MZT1: variants seen among roughly 807,000 people sequenced by gnomAD.
MZT1 encodes mitotic-spindle organizing protein 1.
MZT1 carries 8 observed loss-of-function variants against 8.5 expected under a neutral mutation model. That is an observed-to-expected ratio of 0.94 (90% confidence interval 0.55 to 1.70). The LOEUF (loss-of-function observed/expected upper bound fraction) is 1.70. MZT1 is among the 40% of genes most tolerant of loss of function. MZT1 has a pLI of 0.00. For synonymous variants in MZT1, 38 were observed against 42.0 expected (o/e 0.90, Z 0.37); for missense variants, 93 against 108.6 (o/e 0.86, Z 0.64).
chr13:72,717,333 CTTTCTTTT>C (rs2138011129), intron 2 of MZT1, among the ~76,000 whole-genome samples: 1 of 121,598 alleles, frequency 8.2e-6, no homozygotes, highest in South Asian at 2.6e-4. Flanking sequence ...CAATCTGTCA[CTTTCTTTT>C]TTTTTTTTTT....
At chr13:72,726,957 G>A (rs978270622) in intron 1 of MZT1, among the ~76,000 whole-genome samples, 2 of 152,216 alleles carry the variant, frequency 1.3e-5, no homozygotes, top group Middle Eastern at 3.2e-3. Flanking sequence ...TTGGGCACTG[G>A]TGTCACCCGC....
intron 2 of MZT1, among the ~76,000 whole-genome samples, chr13:72,715,937 G>C (rs558088623): frequency 3.2e-4 from 48 of 151,704 alleles, no homozygotes; most frequent in Non-Finnish European, 7.1e-4. Flanking sequence ...TTTTTTTTAA[G>C]AGGAAGTCTT....
intron 2 of MZT1, among the ~76,000 whole-genome samples, chr13:72,711,172 A>G (rs2138005211): frequency 6.6e-6 from 1 of 152,306 alleles, no homozygotes; most frequent in East Asian, 1.9e-4. Flanking sequence ...AGATACAGGA[A>G]AGTAGGTTTT....
chr13:72,723,841 T>C (rs957462401), intron 1 of MZT1, among the ~76,000 whole-genome samples: 15 of 33,470 alleles, frequency 4.5e-4, no homozygotes, highest in African/African-American at 5.9e-4. Context: ...TGATTCCAGA[T>C]ATAAGTAAAA....
intron 1 of MZT1, among the ~76,000 whole-genome samples, chr13:72,723,214 T>G (rs1157714032): frequency 6.6e-6 from 1 of 152,250 alleles, no homozygotes; most frequent in East Asian, 1.9e-4. Flanking sequence ...TCCCTTCATA[T>G]AACTCAATGC....
chr13:72,712,295 GT>G (rs2138006250), intron 2 of MZT1, among the ~76,000 whole-genome samples: 1 of 152,244 alleles, frequency 6.6e-6, no homozygotes. Context: ...AGAACTACAG[GT>G]GTGTACCACC....
chr13:72,724,877 C>A (rs2032630981), intron 1 of MZT1, among the ~76,000 whole-genome samples: 1 of 147,122 alleles, frequency 6.8e-6, no homozygotes, highest in Admixed American at 6.8e-5. Context: ...CATGGTGAAA[C>A]CCTGTCTCTA....
intron 2 of MZT1, 65 bp from the exon 3 acceptor site, chr13:72,710,410 T>C (rs1300068512): frequency 2.7e-6 from 4 of 1,495,306 alleles, no homozygotes; most frequent in Non-Finnish European, 3.7e-6. Flanking sequence ...TGAAGATAAA[T>C]TTGTCAATAC....
At chr13:72,720,268 CTTT>C (rs902950111) in intron 1 of MZT1, among the ~76,000 whole-genome samples, 11 of 152,262 alleles carry the variant, frequency 7.2e-5, no homozygotes, top group African/African-American at 2.4e-4. Context: ...ACATGTCTAT[CTTT>C]TGTAAGGGCA....
At chr13:72,721,807 A>C (rs1348190646) in intron 1 of MZT1, among the ~76,000 whole-genome samples, 1 of 152,200 alleles carries the variant, frequency 6.6e-6, no homozygotes, top group Non-Finnish European at 1.5e-5. Context: ...TTTCAAGTAG[A>C]AGCATAAATC....
Position 72,708,812 on chromosome 13 carries a change from G to A in MZT1, c.*1510C>T, listed in dbSNP as rs567652698. 18 of 121,156 alleles carry A rather than the reference G, an allele frequency of 1.5e-4. No individual in the cohort carries two copies. The highest frequency in any genetic ancestry group is 4.7e-4 in the African/African-American group (17 of 36,262). The allele number at this position is 121,156 out of a possible 1,614,324, so 7.5% of individuals were successfully genotyped here. Reference sequence around the variant, plus strand: ...GCCAGGCATTTAAAAAGTCAAAATGGTCAAAATTCTATATTAAAAAAAAAA... The same window carrying A: ...GCCAGGCATTTAAAAAGTCAAAATGATCAAAATTCTATATTAAAAAAAAAA... On this transcript the variant is annotated 3_prime_UTR_variant, in exon 3 of 3. Coordinates refer to ENST00000377818, the MANE Select transcript of MZT1 (RefSeq NM_001071775.3).
chr13:72,717,530 A>T (rs1013373006), intron 2 of MZT1, among the ~76,000 whole-genome samples: 2 of 151,718 alleles, frequency 1.3e-5, no homozygotes, highest in African/African-American at 4.8e-5. Flanking sequence ...GTAGAGATGG[A>T]GTTTCATTAT....
At chr13:72,722,015 T>C (rs1486631084) in intron 1 of MZT1, among the ~76,000 whole-genome samples, 1 of 152,252 alleles carries the variant, frequency 6.6e-6, no homozygotes, top group East Asian at 1.9e-4. Context: ...CCATAAACAC[T>C]TGTTTTATAA....
At chr13:72,720,789 G>A (rs1306967020) in intron 1 of MZT1, among the ~76,000 whole-genome samples, 1 of 152,224 alleles carries the variant, frequency 6.6e-6, no homozygotes, top group Admixed American at 6.5e-5. Context: ...TTGGAAGACT[G>A]AGGCAGGAGA....
chr13:72,712,980 A>G (rs966003480), intron 2 of MZT1, among the ~76,000 whole-genome samples: 17 of 152,224 alleles, frequency 1.1e-4, no homozygotes, highest in African/African-American at 3.9e-4. Flanking sequence ...ATTTTTATTA[A>G]AAGTTATTAG....
intron 1 of MZT1, among the ~76,000 whole-genome samples, chr13:72,722,576 AC>A (rs1305934275): frequency 1.3e-5 from 2 of 152,134 alleles, no homozygotes; most frequent in Non-Finnish European, 2.9e-5. Flanking sequence ...AGGAAGCCGT[AC>A]CCTAGCTTTA....
At chr13:72,726,811 G>C (rs1049008177) in intron 1 of MZT1, among the ~76,000 whole-genome samples, 1 of 151,340 alleles carries the variant, frequency 6.6e-6, no homozygotes, top group Admixed American at 6.6e-5. Flanking sequence ...CTCACCACAG[G>C]GGCATAAAGT....
chr13:72,715,918 T>C (rs539792749), intron 2 of MZT1, among the ~76,000 whole-genome samples: 1 of 151,990 alleles, frequency 6.6e-6, no homozygotes, highest in Non-Finnish European at 1.5e-5. Flanking sequence ...CCGGTTTTTT[T>C]GTTTTTGTTT....
chr13:72,720,289 A>C (rs2032579559), intron 1 of MZT1, among the ~76,000 whole-genome samples: 1 of 152,212 alleles, frequency 6.6e-6, no homozygotes, highest in African/African-American at 2.4e-5. Context: ...GCAACCATTT[A>C]ATTTCTAACT....
Sources: allele counts gnomAD v4.1 joint callset (sites outside exome capture counted in the v4.1 genomes callset), GRCh38; gene constraint gnomAD v4.1.1; transcripts MANE v1.5; gene names NCBI Gene and HGNC (gene_info 2026-07-23, HGNC 2026-07-21).